Variants in CCT6B observed in about 807,000 individuals in gnomAD.
CCT6B encodes the protein chaperonin containing TCP1 subunit 6B.
Under a neutral mutation model 61.5 loss-of-function variants are expected in CCT6B, and 49 were observed. The ratio of observed to expected loss-of-function variants is 0.80; its 90% CI spans 0.63 to 1.01. The LOEUF is 1.01. Ranked by LOEUF, CCT6B falls within the 50% of genes least tolerant of loss-of-function variation. CCT6B has a pLI of 0.00. For missense variants in CCT6B, 666 were observed against 634.7 expected (o/e 1.05, Z -0.53); for synonymous variants, 228 against 214.5 (o/e 1.06, Z -0.55).
intron 12 of CCT6B, 63 bp from the exon 13 acceptor site, chr17:34,929,097 T>A (rs1392688369): frequency 5.0e-6 from 5 of 992,714 alleles, no homozygotes; most frequent in African/African-American, 5.0e-5. Context: ...TTAATTGATA[T>A]CTTCTAAAAA....
intron 10 of CCT6B, among the ~76,000 whole-genome samples, chr17:34,936,189 C>T (rs906582322): frequency 1.3e-5 from 2 of 152,036 alleles, no homozygotes; most frequent in Non-Finnish European, 2.9e-5. Flanking sequence ...CCTCAGGTGA[C>T]CCATGCACGT....
chr17:34,933,662 AAG>A (rs1222213601), intron 10 of CCT6B, among the ~76,000 whole-genome samples: 3 of 152,216 alleles, frequency 2.0e-5, no homozygotes, highest in Non-Finnish European at 2.9e-5. Context: ...CAGCTTAAGA[AAG>A]AGATTACTAG....
chr17:34,935,924 C>CGTGTGTGT (rs113723835), intron 10 of CCT6B, among the ~76,000 whole-genome samples: 1 of 147,806 alleles, frequency 6.8e-6, no homozygotes, highest in African/African-American at 2.5e-5. Context: ...CATTTATTCT[C>CGTGTGTGT]GTGTGTGTGT....
intron 5 of CCT6B, among the ~76,000 whole-genome samples, chr17:34,949,082 G>A (rs1489931853): frequency 6.3e-5 from 4 of 63,792 alleles, no homozygotes; most frequent in African/African-American, 2.3e-4. Context: ...GAGGGGAGGG[G>A]AGGGGAGGGG....
chr17:34,932,525 G>A (rs1480247702), intron 10 of CCT6B, 25 bp from the exon 11 acceptor site: 25 of 1,573,894 alleles, frequency 1.6e-5, no homozygotes, highest in East Asian at 6.8e-5. Flanking sequence ...AAATATGATT[G>A]GCAAGACATG....
chr17:34,958,191 C>T (rs2090369219), intron 3 of CCT6B, among the ~76,000 whole-genome samples: 3 of 152,202 alleles, frequency 2.0e-5, no homozygotes, highest in Admixed American at 6.5e-5. Context: ...TGCCTGTAAT[C>T]CCAGCACTCT....
intron 9 of CCT6B, 118 bp downstream of exon 9, chr17:34,939,499 C>G (rs2090135177): frequency 1.2e-6 from 1 of 847,600 alleles, no homozygotes; most frequent in African/African-American, 1.7e-5. Context: ...ACTGTAAAAT[C>G]TGTTCTGTGA....
chr17:34,939,857 T>C lies in CCT6B; in HGVS notation c.969-144A>G, dbSNP rs376727760. ...TTTAATTGTCTAATAAAATTGTCTA[T>C]ATTTATCGAGTACAACATGATGATG... is the stretch of plus-strand genomic sequence containing the variant. On this transcript the variant is annotated intron_variant, in intron 8 of 13. Coordinates refer to ENST00000314144, the MANE Select transcript of CCT6B (RefSeq NM_006584.4). 217 of 626,602 alleles carry C rather than the reference T, an allele frequency of 3.5e-4. No homozygotes were observed. In the African/African-American group the frequency reaches 3.7e-3, roughly 11 times the overall value. The allele number at this position is 626,602 out of a possible 1,614,324, so 38.8% of individuals were successfully genotyped here.
At chr17:34,931,541 C>T (rs908637271) in intron 11 of CCT6B, among the ~76,000 whole-genome samples, 1 of 152,076 alleles carries the variant, frequency 6.6e-6, no homozygotes, top group Non-Finnish European at 1.5e-5. Context: ...GCACTCCAAA[C>T]CAGGCTCACT....
At chr17:34,930,928 A>G in intron 12 of CCT6B, 21 bp downstream of exon 12, 1 of 1,275,100 alleles carries the variant, frequency 7.8e-7, no homozygotes, top group Non-Finnish European at 1.1e-6. Context: ...TTAAGCAGCT[A>G]ATTTTCCTTC....
chr17:34,934,598 A>T (rs1000096608), intron 10 of CCT6B, among the ~76,000 whole-genome samples: 1 of 152,214 alleles, frequency 6.6e-6, no homozygotes, highest in African/African-American at 2.4e-5. Context: ...ACAAACCACT[A>T]AAGCTCACTC....
At chr17:34,940,447 A>T in intron 8 of CCT6B, 92 bp downstream of exon 8, 2 of 702,198 alleles carry the variant, frequency 2.8e-6, no homozygotes, top group African/African-American at 1.9e-5. Context: ...TTTGTTCAAC[A>T]ACATTTACAC....
Position 34,958,679 on chromosome 17 carries a change from T to C in CCT6B, c.217A>G (p.Thr73Ala), listed in dbSNP as rs748484554. Residue 73 changes from threonine (T) to alanine (A), a missense_variant, in exon 3 of 14, where the codon ACA (threonine) becomes GCA (alanine). By Grantham distance (58) the Thr-to-Ala change is moderately conservative. Transcript: ENST00000314144. The part of the protein sequence containing the change: ...LLDEMQIQHP[T>A]ASLIAKVATA... ...GCTACTTTTGCTATCAAGGAAGCTG[T>C]TGGATGTTGAATTTGCTGGAAAAAG... is the stretch of plus-strand genomic sequence containing the variant. 1 of 1,596,528 alleles carries C rather than the reference T, an allele frequency of 6.3e-7. No homozygotes were observed. The highest frequency in any genetic ancestry group is 1.2e-5 in the South Asian group (1 of 86,380).
chr17:34,935,839 G>A (rs933250798), intron 10 of CCT6B, among the ~76,000 whole-genome samples: 43 of 149,482 alleles, frequency 2.9e-4, no homozygotes, highest in African/African-American at 9.6e-4. Context: ...CCTGGGCAAC[G>A]AAGTGAGACT....
chr17:34,933,458 C>T (rs2090058921), intron 10 of CCT6B, among the ~76,000 whole-genome samples: 1 of 152,068 alleles, frequency 6.6e-6, no homozygotes, highest in South Asian at 2.1e-4. Flanking sequence ...AAATTACTAC[C>T]CCCTTTCACT....
chr17:34,949,732 T>C (rs890146919), intron 5 of CCT6B: 93 of 152,222 alleles, frequency 6.1e-4, no homozygotes, highest in African/African-American at 2.2e-3. Context: ...TCTAAAAAGA[T>C]TGTCTCAAGA....
intron 10 of CCT6B, among the ~76,000 whole-genome samples, chr17:34,938,687 G>A (rs1391893877): frequency 1.3e-5 from 2 of 152,080 alleles, no homozygotes; most frequent in Admixed American, 6.6e-5. Flanking sequence ...GCAACATGGT[G>A]AAACCTCATC....
Position 34,942,513 on chromosome 17 carries a change from T to C in CCT6B, c.856A>G (p.Asn286Asp). The C allele has an allele frequency of 1.3e-6, 2 of 1,593,238 alleles. No individual in the cohort carries two copies. The highest frequency in any genetic ancestry group is 1.7e-6 in the Non-Finnish European group (2 of 1,175,048). Residue 286 changes from asparagine (N) to aspartate (D), a missense_variant, in exon 7 of 14, where the codon AAT (asparagine) becomes GAT (aspartate). By Grantham distance (23) the Asn-to-Asp change is conservative. Coordinates refer to ENST00000314144, the MANE Select transcript of CCT6B (RefSeq NM_006584.4). ...TGATTAATGACGACAAATCCTTTAT[T>C]TGACTGAGCACAGACTTTGTCCTTC... is the stretch of plus-strand genomic sequence containing the variant. ...DLKDKVCAQS[N>D]KGFVVINQKG... is the part of the protein sequence containing the mutation.
Position 34,961,332 on chromosome 17 carries a change from G to A in CCT6B, c.62C>T (p.Ala21Val). ...AEVARARAAL[A>V]VNICAARGLQ... ...CCCTCGGGCGGCGCATATATTGACA[G>A]CCAAAGCTGCCCGGGCCCGCGCCAC... is the stretch of plus-strand genomic sequence containing the variant. Residue 21 changes from alanine (A) to valine (V), a missense_variant, in exon 1 of 14, where the codon GCT becomes GTT. Physicochemically the swap from Ala to Val is moderately conservative, Grantham distance 64. Coordinates refer to ENST00000314144, the MANE Select transcript of CCT6B (RefSeq NM_006584.4). 3.7e-6 allele frequency: 6 copies of A among 1,612,826 alleles called. No individual in the cohort carries two copies. Among genetic ancestry groups the A allele is most frequent in the Non-Finnish European group, 3.4e-6 (4 of 1,179,970 alleles).
Sources: gnomAD v4.1 joint callset for allele counts (sites outside exome capture counted in the v4.1 genomes callset) on GRCh38, gnomAD v4.1.1 for gene constraint, MANE v1.5 for transcripts, NCBI Gene and HGNC (gene_info 2026-07-23, HGNC 2026-07-21) for gene names.